MAGI1: variants seen among roughly 807,000 people sequenced by gnomAD.
The protein encoded by MAGI1 is membrane associated guanylate kinase, WW and PDZ domain containing 1.
MAGI1 carries 58 observed loss-of-function variants against 139.9 expected under a neutral mutation model. The ratio of observed to expected loss-of-function variants is 0.41; its 90% CI spans 0.34 to 0.52. The LOEUF (loss-of-function observed/expected upper bound fraction) is 0.52, where lower values mean the gene tolerates loss of function less well. Ranked by LOEUF, MAGI1 falls within the 20% of genes least tolerant of loss-of-function variation. MAGI1 has a pLI of 0.12. For synonymous variants in MAGI1, 812 were observed against 737.9 expected, an observed-to-expected ratio of 1.10 and a Z score of -1.63; for missense variants, 1,874 against 1,901.6, an observed-to-expected ratio of 0.99 and a Z score of 0.27.
chr3:65,417,306 C>G (rs1946298119), intron 12 of MAGI1, among the ~76,000 whole-genome samples: 1 of 152,072 alleles, frequency 6.6e-6, no homozygotes, highest in Non-Finnish European at 1.5e-5. Context: ...ACATCCTGCA[C>G]ATGTACCCCT....
intron 1 of MAGI1, among the ~76,000 whole-genome samples, chr3:65,666,819 G>A (rs891248244): frequency 3.9e-5 from 6 of 152,112 alleles, no homozygotes; most frequent in Non-Finnish European, 8.8e-5. Flanking sequence ...ATCAATCACG[G>A]AGACAGCTTT....
intron 2 of MAGI1, among the ~76,000 whole-genome samples, chr3:65,510,902 G>C (rs2077553934): frequency 6.7e-6 from 1 of 149,036 alleles, no homozygotes; most frequent in African/African-American, 2.5e-5. Context: ...GGCAGCCAGA[G>C]AGAAAGGTCG....
At chr3:66,022,659 CA>C (rs1160167770) in intron 1 of MAGI1, among the ~76,000 whole-genome samples, 1 of 152,150 alleles carries the variant, frequency 6.6e-6, no homozygotes, top group East Asian at 1.9e-4. Context: ...CAAATTAACC[CA>C]TAGCTTTTGG....
chr3:65,615,079 G>C (rs150364573), intron 2 of MAGI1, among the ~76,000 whole-genome samples: 48 of 151,888 alleles, frequency 3.2e-4, no homozygotes, highest in African/African-American at 1.1e-3. Flanking sequence ...CAAGAAAAAG[G>C]TAAGTAAGGT....
chr3:65,422,353 CT>C (rs1946689616), intron 12 of MAGI1, among the ~76,000 whole-genome samples: 1 of 152,316 alleles, frequency 6.6e-6, no homozygotes, highest in East Asian at 1.9e-4. Context: ...AACAATGCAT[CT>C]ACTAGCTGTT....
chr3:65,880,602 A>G (rs2060285543), intron 1 of MAGI1, among the ~76,000 whole-genome samples: 1 of 152,178 alleles, frequency 6.6e-6, no homozygotes, highest in African/African-American at 2.4e-5. Flanking sequence ...TCAGCATATG[A>G]AATGGCCATG....
rs146972817 is a variant in MAGI1, at chr3:65,414,354, C to T, written c.2168-12884G>A. 4.7e-3 allele frequency among the ~76,000 whole-genome samples: 719 copies of T among 152,262 alleles called. 6 individuals are homozygous for T. Among genetic ancestry groups the T allele is most frequent in the African/African-American group, 0.016 (683 of 41,552 alleles). The stretch of plus-strand genomic sequence containing the variant: ...AGGACAAAAGAGTTTCATAAAAGGG[C>T]GTGACTAATAGATGTTATAGATGTT... On this transcript the variant is annotated intron_variant, in intron 12 of 22. Transcript: ENST00000402939.
At chr3:65,378,800 G>C (rs1370091781) in intron 17 of MAGI1, among the ~76,000 whole-genome samples, 1 of 151,564 alleles carries the variant, frequency 6.6e-6, no homozygotes, top group East Asian at 1.9e-4. Context: ...TCTTGCCTCA[G>C]CTTCCCAGGT....
At chr3:65,483,274 AT>A (rs1951404613) in intron 3 of MAGI1, among the ~76,000 whole-genome samples, 1 of 152,164 alleles carries the variant, frequency 6.6e-6, no homozygotes, top group Non-Finnish European at 1.5e-5. Flanking sequence ...AGGATGGGTC[AT>A]GCTTGCTCCA....
At chr3:65,872,054 C>A (rs1165359974) in intron 1 of MAGI1, among the ~76,000 whole-genome samples, 2 of 152,100 alleles carry the variant, frequency 1.3e-5, no homozygotes, top group African/African-American at 4.8e-5. Context: ...TGGGGACTGA[C>A]CCTCTCAGAC....
intron 1 of MAGI1, among the ~76,000 whole-genome samples, chr3:65,815,113 G>C (rs548221405): frequency 6.6e-6 from 1 of 152,164 alleles, no homozygotes; most frequent in East Asian, 1.9e-4. Context: ...GGCAGCATTC[G>C]TATCTGCTCT....
intron 1 of MAGI1, among the ~76,000 whole-genome samples, chr3:65,710,175 G>A (rs1264467461): frequency 6.7e-6 from 1 of 150,242 alleles, no homozygotes; most frequent in Non-Finnish European, 1.5e-5. Context: ...AGGCAAAATA[G>A]AAGGCAGACA....
At chr3:65,863,800 T>C (rs1382813532) in intron 1 of MAGI1, among the ~76,000 whole-genome samples, 1 of 152,176 alleles carries the variant, frequency 6.6e-6, no homozygotes, top group Non-Finnish European at 1.5e-5. Flanking sequence ...AATTAAATAT[T>C]ATACATCTAT....
intron 6 of MAGI1, among the ~76,000 whole-genome samples, chr3:65,449,458 G>A (rs1948883289): frequency 6.6e-6 from 1 of 152,132 alleles, no homozygotes. Context: ...GCCAGTCACT[G>A]TGCTAGGTGA....
chr3:65,469,649 C>A (rs1399623873), intron 5 of MAGI1: 2 of 151,680 alleles, frequency 1.3e-5, no homozygotes, highest in African/African-American at 2.4e-5. Flanking sequence ...AAAATATTTA[C>A]GACTCTGTGT....
chr3:65,640,999 C>T (rs1039019375), intron 1 of MAGI1, among the ~76,000 whole-genome samples: 2 of 152,006 alleles, frequency 1.3e-5, no homozygotes, highest in Non-Finnish European at 2.9e-5. Context: ...TTATCTTTAC[C>T]CATTCATGTG....
intron 2 of MAGI1, among the ~76,000 whole-genome samples, chr3:65,557,155 C>T (rs764749847): frequency 1.3e-5 from 2 of 152,178 alleles, no homozygotes; most frequent in East Asian, 1.9e-4. Context: ...CTTCCCACAG[C>T]GCACAAAACT....
At position 66,036,903 on chromosome 3, in the gene MAGI1, T is replaced by G. The variant is rs531707216; in HGVS notation, c.313+1093A>C. Among the ~76,000 whole-genome samples the G allele has an allele frequency of 4.1e-4, 63 of 152,298 alleles. 1 individual carries two copies. Among genetic ancestry groups the G allele is most frequent in the Middle Eastern group, 3.4e-3 (1 of 294 alleles). ...GGGTTGACATGAGGACAGCCCCTTG[T>G]CTGTACCAAAGTGAGATGTAAGGGA... On this transcript the variant is annotated intron_variant, in intron 1 of 22. Coordinates refer to ENST00000402939, the MANE Select transcript of MAGI1 (RefSeq NM_001033057.2).
rs555574418 is a variant in MAGI1 at position 65,858,840 on chromosome 3, C to T, written c.313+179156G>A. On this transcript the variant is annotated intron_variant, in intron 1 of 22. Transcript: ENST00000402939. ...AATTAAAATAGTAATAAATCAAATCCTATTTTCTGATTGGCTTGTATTATT... is the reference window on the plus strand; with the variant it reads ...AATTAAAATAGTAATAAATCAAATCTTATTTTCTGATTGGCTTGTATTATT... Among the ~76,000 whole-genome samples, 7 of 152,240 alleles carry T rather than the reference C, an allele frequency of 4.6e-5. No homozygotes were observed. The South Asian group carries it at 1.5e-3, about 32-fold the overall frequency.
Sources: allele counts gnomAD v4.1 joint callset (sites outside exome capture counted in the v4.1 genomes callset), GRCh38; gene constraint gnomAD v4.1.1; transcripts MANE v1.5; gene names NCBI Gene and HGNC (gene_info 2026-07-23, HGNC 2026-07-21).